The following SNX1 variants were observed in gnomAD, a reference collection of about 807,000 sequenced individuals.
SNX1 encodes sorting nexin-1.
SNX1 carries 36 observed loss-of-function variants against 71.8 expected under a neutral mutation model. The observed-to-expected ratio is 0.50, with a 90% CI of 0.38 to 0.66. The LOEUF (loss-of-function observed/expected upper bound fraction) is 0.66, where lower values mean the gene tolerates loss of function less well. SNX1 is among the 30% of genes least tolerant of loss of function. SNX1 has a pLI of 0.00. For missense variants in SNX1, 612 were observed against 646.7 expected, an observed-to-expected ratio of 0.95 and a Z score of 0.58; for synonymous variants, 254 against 240.7, an observed-to-expected ratio of 1.06 and a Z score of -0.51.
intron 1 of SNX1, among the ~76,000 whole-genome samples, chr15:64,110,282 C>T (rs1030400587): frequency 1.3e-5 from 2 of 152,140 alleles, no homozygotes; most frequent in African/African-American, 4.8e-5. Flanking sequence ...TAGAACTCAG[C>T]CATGTGTGAT....
chr15:64,126,400 C>T (rs371113211), intron 6 of SNX1, among the ~76,000 whole-genome samples, 180 bp downstream of exon 6: 4 of 152,150 alleles, frequency 2.6e-5, no homozygotes, highest in African/African-American at 9.7e-5. Context: ...GGCATGTTCT[C>T]CTTGGGTGCA....
intron 2 of SNX1, among the ~76,000 whole-genome samples, chr15:64,114,077 T>A (rs1358441095): frequency 1.3e-5 from 2 of 152,214 alleles, no homozygotes; most frequent in Non-Finnish European, 2.9e-5. Context: ...AGTCTGGATT[T>A]TCATCTTAAT....
intron 2 of SNX1, among the ~76,000 whole-genome samples, chr15:64,113,890 T>C (rs781427565): frequency 4.6e-5 from 7 of 152,100 alleles, no homozygotes; most frequent in Non-Finnish European, 4.4e-5. Flanking sequence ...GCAGGATTTA[T>C]GCAGGAGAAA....
In SNX1 at chr15:64,139,998, G is replaced by T. The variant is rs962998159; in HGVS notation, c.*2380G>T. On this transcript the variant is annotated 3_prime_UTR_variant, in exon 15 of 15. Transcript: ENST00000559844. ...GCGTCGTAATCAGCATATAATGTCA[G>T]TTGGTCCCATTAATGTTGTTAACTC... 9.2e-5 allele frequency: 14 copies of T among 152,248 alleles called. No individual in the cohort carries two copies. Among genetic ancestry groups the T allele is most frequent in the Non-Finnish European group, 1.5e-4 (10 of 68,020 alleles). 9.4% of individuals were successfully genotyped at this position (152,248 alleles called of 1,614,324 possible).
chr15:64,130,995 T>G (rs1035681008), intron 10 of SNX1, among the ~76,000 whole-genome samples: 3 of 152,144 alleles, frequency 2.0e-5, no homozygotes, highest in African/African-American at 7.2e-5. Flanking sequence ...TCTAAAAAAT[T>G]TATTATTAGC....
In SNX1 at chr15:64,136,329, G is replaced by A. The variant is rs1234805543; in HGVS notation, c.1366-1G>A. The A allele has an allele frequency of 2.5e-6, 4 of 1,611,776 alleles. No individual in the cohort carries two copies. In the African/African-American group the frequency reaches 5.3e-5, roughly 22 times the overall value. ...ATCCTTTCTTTCCTCTTTCTTCCCA[G>A]TGGGAGTCTCGGGTGACTCAATATG... is the stretch of plus-strand genomic sequence containing the variant. On this transcript the variant is annotated splice_acceptor_variant, in intron 12 of 14. Coordinates refer to ENST00000559844, the MANE Select transcript of SNX1 (RefSeq NM_003099.5). LOFTEE classifies it high-confidence loss of function.
chr15:64,119,670 G>C (rs1023749653), intron 4 of SNX1, among the ~76,000 whole-genome samples: 1 of 150,990 alleles, frequency 6.6e-6, no homozygotes, highest in African/African-American at 2.4e-5. Flanking sequence ...GCTGCAGTGA[G>C]CTGAGATCAT....
In SNX1 at chr15:64,139,231, A is replaced by G. The variant is rs2081391763; in HGVS notation, c.*1613A>G. ...TTGTACATGTTATAAGCATTTTACT[A>G]TATTGTTATATATCTTCACAAAGTT... On this transcript the variant is annotated 3_prime_UTR_variant, in exon 15 of 15. Transcript: ENST00000559844. 1.3e-5 allele frequency: 2 copies of G among 150,732 alleles called. No individual in the cohort carries two copies. Among genetic ancestry groups the G allele is most frequent in the Admixed American group, 6.6e-5 (1 of 15,094 alleles). 9.3% of individuals were successfully genotyped at this position (150,732 alleles called of 1,614,324 possible). A position where few individuals can be genotyped will look rare whatever the true frequency, so the allele number is the denominator to read the frequency against.
rs748706519 is a variant in SNX1 at position 64,137,651 on chromosome 15, C to T, written c.*33C>T. The T allele has an allele frequency of 3.2e-5, 51 of 1,613,946 alleles. No individual in the cohort carries two copies. Among genetic ancestry groups the T allele is most frequent in the South Asian group, 5.5e-5 (5 of 91,056 alleles). On this transcript the variant is annotated 3_prime_UTR_variant, in exon 15 of 15. Transcript: ENST00000559844. ...AGGACCCCAGAGCCCACCTGTGTGA[C>T]GCTGCCTTTTTATACACTGTCCTCC...
chr15:64,126,719 A>G (rs575686440), intron 6 of SNX1, among the ~76,000 whole-genome samples: 70 of 152,252 alleles, frequency 4.6e-4, no homozygotes, highest in Non-Finnish European at 9.0e-4. Context: ...AGCTGGGACT[A>G]CAGGTGCCCG....
intron 12 of SNX1, among the ~76,000 whole-genome samples, chr15:64,135,321 C>T (rs138053238): frequency 0.012 from 1,821 of 150,774 alleles, 35 homozygotes; most frequent in African/African-American, 0.042. Flanking sequence ...AAGATGGTCT[C>T]GATCTCCTGA....
chr15:64,113,339 C>A (rs1007440708), intron 2 of SNX1, among the ~76,000 whole-genome samples: 1 of 151,944 alleles, frequency 6.6e-6, no homozygotes, highest in Non-Finnish European at 1.5e-5. Context: ...GTGCTTTTGC[C>A]CCCCAGAAGA....
Position 64,138,538 on chromosome 15 carries a change from C to A in SNX1, c.*920C>A. On this transcript the variant is annotated 3_prime_UTR_variant, in exon 15 of 15. Transcript: ENST00000559844. ...TGATAATGACTTGATGCTTTGTCTC[C>A]ATAGACATGAAAGCCATGCCCTCTG... 5.4e-6 allele frequency: 1 copy of A among 186,760 alleles called. No individual in the cohort carries two copies. Among genetic ancestry groups the A allele is most frequent in the Non-Finnish European group, 1.1e-5 (1 of 89,994 alleles). 11.6% of individuals were successfully genotyped at this position (186,760 alleles called of 1,614,324 possible).
chr15:64,096,723 G>A (rs2080905895), intron 1 of SNX1, among the ~76,000 whole-genome samples: 1 of 152,194 alleles, frequency 6.6e-6, no homozygotes, highest in South Asian at 2.1e-4. Flanking sequence ...CAGGCCAGAG[G>A]CTGGTGGACA....
intron 1 of SNX1, among the ~76,000 whole-genome samples, chr15:64,102,728 A>G (rs1220044488): frequency 1.3e-5 from 2 of 149,354 alleles, no homozygotes; most frequent in Non-Finnish European, 3.0e-5. Context: ...TTATGCCTGA[A>G]TAATAGTCCA....
Position 64,137,920 on chromosome 15 carries a change from A to T in SNX1, c.*302A>T, listed in dbSNP as rs1567334896. 7.1e-7 allele frequency: 1 copy of T among 1,404,726 alleles called. No homozygotes were observed. Among genetic ancestry groups the T allele is most frequent in the Admixed American group, 3.2e-5 (1 of 31,678 alleles). The allele number at this position is 1,404,726 out of a possible 1,614,324, so 87.0% of individuals were successfully genotyped here. A position where few individuals can be genotyped will look rare whatever the true frequency, so the allele number is the denominator to read the frequency against. On this transcript the variant is annotated 3_prime_UTR_variant, in exon 15 of 15. Coordinates refer to ENST00000559844, the MANE Select transcript of SNX1 (RefSeq NM_003099.5). ...TAAATACAAATGTATATTTTTCAGG[A>T]TGTGGTTTAGGAACTGGGAATAACG... is the stretch of plus-strand genomic sequence containing the variant.
intron 1 of SNX1, among the ~76,000 whole-genome samples, chr15:64,105,268 G>A (rs1222315910): frequency 4.6e-5 from 7 of 151,776 alleles, no homozygotes; most frequent in Non-Finnish European, 7.4e-5. Flanking sequence ...AAAGGTTGCC[G>A]TCAGACTTCT....
intron 1 of SNX1, among the ~76,000 whole-genome samples, chr15:64,100,459 G>C (rs1026744500): frequency 2.0e-5 from 3 of 151,948 alleles, no homozygotes; most frequent in Admixed American, 2.0e-4. Context: ...AATTAGCCGG[G>C]CGTGGTGGCA....
chr15:64,142,509 A>T lies in SNX1; in HGVS notation c.*4891A>T, dbSNP rs2081425448. On this transcript the variant is annotated 3_prime_UTR_variant, in exon 15 of 15. Transcript: ENST00000559844. ...TGGAAGAAAATGGGGTCCAGAGCAC[A>T]GGAAGGGGACCTGTGTTCAGAGGGT... The T allele has an allele frequency of 2.6e-6, 1 of 384,688 alleles. No homozygotes were observed. The highest frequency in any genetic ancestry group is 7.3e-5 in the East Asian group (1 of 13,722). 23.8% of individuals were successfully genotyped at this position (384,688 alleles called of 1,614,324 possible). A position where few individuals can be genotyped will look rare whatever the true frequency, so the allele number is the denominator to read the frequency against.
Sources: gnomAD v4.1 joint callset for allele counts (sites outside exome capture counted in the v4.1 genomes callset) on GRCh38, gnomAD v4.1.1 for gene constraint, MANE v1.5 for transcripts, NCBI Gene and HGNC (gene_info 2026-07-23, HGNC 2026-07-21) for gene names.